NEO1: variants seen among roughly 807,000 people sequenced by gnomAD.
The protein encoded by NEO1 is neogenin.
In NEO1, 63 loss-of-function variants were observed where a neutral mutation model predicts 159.7. The ratio of observed to expected loss-of-function variants is 0.39; its 90% CI spans 0.32 to 0.49. NEO1 has a LOEUF of 0.49. Ranked by LOEUF, NEO1 falls within the 20% of genes least tolerant of loss-of-function variation. The pLI is 0.85. For synonymous variants in NEO1, 633 were observed against 662.0 expected (o/e 0.96, Z 0.67); for missense variants, 1,615 against 1,831.0 (o/e 0.88, Z 2.15).
intron 5 of NEO1, among the ~76,000 whole-genome samples, chr15:73,149,188 G>A (rs1407013713): frequency 6.6e-6 from 1 of 151,926 alleles, no homozygotes; most frequent in African/African-American, 2.4e-5. Context: ...GGTGGCAGGT[G>A]ACTGTAATCC....
intron 13 of NEO1, 51 bp from the exon 14 acceptor site, chr15:73,258,715 T>C: frequency 6.8e-7 from 1 of 1,469,488 alleles, no homozygotes; most frequent in Non-Finnish European, 9.5e-7. Flanking sequence ...ATTAATCTTT[T>C]GTTTTTCCAA....
chr15:73,115,674 G>T (rs1164188001), intron 1 of NEO1, among the ~76,000 whole-genome samples: 1 of 152,128 alleles, frequency 6.6e-6, no homozygotes, highest in Non-Finnish European at 1.5e-5. Flanking sequence ...CAAGGGAATT[G>T]GTCAGAAGTT....
intron 5 of NEO1, among the ~76,000 whole-genome samples, chr15:73,169,643 CTT>C (rs35991255): frequency 2.9e-5 from 3 of 105,240 alleles, no homozygotes; most frequent in Admixed American, 2.3e-4. Flanking sequence ...CTCCCCCCTC[CTT>C]TTTTTTTTTT....
intron 4 of NEO1, among the ~76,000 whole-genome samples, chr15:73,133,191 A>G (rs547866619): frequency 4.6e-5 from 7 of 152,024 alleles, no homozygotes; most frequent in South Asian, 2.1e-4. Flanking sequence ...ATATATACGT[A>G]TATATATATA....
chr15:73,082,335 T>G (rs1436327927), intron 1 of NEO1, among the ~76,000 whole-genome samples: 1 of 152,232 alleles, frequency 6.6e-6, no homozygotes, highest in Non-Finnish European at 1.5e-5. Context: ...AAATTTTGAC[T>G]GATGTGTTTC....
In NEO1 at chr15:73,301,380, C is replaced by T. The variant is rs936240707; in HGVS notation, c.4225C>T (p.Arg1409Trp). ...TASIGTLGRS[R>W]PPMPVVVPSA... ...CTCCATCGGGACTCTAGGAAGGAGC[C>T]GGCCTCCTATGCCAGTGGTTGTTCC... Residue 1409 changes from arginine (R) to tryptophan (W), a missense_variant, in exon 28 of 29, where the codon CGG (arginine) becomes TGG (tryptophan). Physicochemically the swap from Arg to Trp is moderately radical, Grantham distance 101 (BLOSUM62 -3). This residue lies in a region of NEO1 where 471 missense variants were observed against 498.9 expected (regional missense o/e 0.94). Transcript: ENST00000261908. The T allele has an allele frequency of 6.2e-6, 10 of 1,614,044 alleles. No individual in the cohort carries two copies. The highest frequency in any genetic ancestry group is 1.6e-4 in the Middle Eastern group (1 of 6,084).
intron 5 of NEO1, among the ~76,000 whole-genome samples, chr15:73,137,680 A>G (rs2031911547): frequency 6.6e-6 from 1 of 152,180 alleles, no homozygotes. Context: ...TATTTTTGGT[A>G]GAGATGGGGT....
At chr15:73,108,277 T>C (rs909643932) in intron 1 of NEO1, among the ~76,000 whole-genome samples, 5 of 152,218 alleles carry the variant, frequency 3.3e-5, no homozygotes, top group African/African-American at 1.2e-4. Context: ...GTTTGCAGGT[T>C]ATCACATTGC....
Position 73,110,589 on chromosome 15 carries a change from T to TAAC in NEO1, c.131-5949_131-5948insCAA, listed in dbSNP as rs146767287. 3.0e-4 allele frequency among the ~76,000 whole-genome samples: 45 copies of TAAC among 152,264 alleles called. No individual in the cohort carries two copies. The East Asian group carries it at 8.1e-3, about 27-fold the overall frequency. On this transcript the variant is annotated intron_variant, in intron 1 of 28. Transcript: ENST00000261908. ...GTTCCCTGTGGATATTTTCTTTCTG[T>TAAC]AAGATGGAATTCTATCAAGAAGTGT... is the stretch of plus-strand genomic sequence containing the variant.
Position 73,181,567 on chromosome 15 carries a change from G to A in NEO1, c.1291+3140G>A, listed in dbSNP as rs76875834. Among the ~76,000 whole-genome samples the A allele has an allele frequency of 7.2e-3, 1,095 of 152,220 alleles. 10 individuals carry two copies. The highest frequency in any genetic ancestry group is 0.025 in the African/African-American group (1,032 of 41,526). ...AGGCCTCAGGAAGCTTCCAATCATG[G>A]TGGAAGGCAAGAGGGGAGCAGGCAT... On this transcript the variant is annotated intron_variant, in intron 7 of 28. Transcript: ENST00000261908.
intron 1 of NEO1, among the ~76,000 whole-genome samples, chr15:73,058,951 A>G (rs2067849913): frequency 6.6e-6 from 1 of 152,092 alleles, no homozygotes. Context: ...AGCTCAGGTT[A>G]TTGTATATCT....
intron 23 of NEO1, 66 bp from the exon 24 acceptor site, chr15:73,288,247 C>T (rs751819486): frequency 1.3e-6 from 2 of 1,486,294 alleles, no homozygotes; most frequent in Non-Finnish European, 1.9e-6. Flanking sequence ...TTTAATCACT[C>T]AAGCCTTTTG....
intron 15 of NEO1, among the ~76,000 whole-genome samples, chr15:73,261,813 CAAAG>C (rs1015309579): frequency 2.0e-4 from 30 of 152,000 alleles, no homozygotes; most frequent in African/African-American, 7.0e-4. Context: ...TATGAAAAAT[CAAAG>C]GAACTAGAAT....
intron 11 of NEO1, among the ~76,000 whole-genome samples, chr15:73,250,113 A>G (rs923799254): frequency 5.3e-5 from 8 of 152,100 alleles, no homozygotes; most frequent in South Asian, 2.1e-4. Context: ...TAGTCTTTCT[A>G]GTTCCTCCGT....
intron 2 of NEO1, among the ~76,000 whole-genome samples, chr15:73,122,104 A>G (rs1208992064): frequency 2.7e-5 from 2 of 74,968 alleles, no homozygotes; most frequent in Middle Eastern, 5.3e-3. Flanking sequence ...TACACATTAT[A>G]TATATTATAT....
At chr15:73,246,867 T>A (rs1168111236) in intron 9 of NEO1, among the ~76,000 whole-genome samples, 1 of 152,102 alleles carries the variant, frequency 6.6e-6, no homozygotes, top group Non-Finnish European at 1.5e-5. Context: ...AATTTAGAGA[T>A]GAAAGAAAAG....
chr15:73,105,317 C>T (rs115832187), intron 1 of NEO1, among the ~76,000 whole-genome samples: 2,195 of 152,256 alleles, frequency 0.014, 68 homozygotes, highest in African/African-American at 0.05. Context: ...CATTGGATTT[C>T]TTGAGTCTAT....
rs776073407 is a variant in NEO1, at chr15:73,298,601, G to A, written c.4155G>A (p.Leu1385=). The A allele has an allele frequency of 3.0e-5, 49 of 1,614,064 alleles. No individual in the cohort carries two copies. The highest frequency in any genetic ancestry group is 1.6e-4 in the Middle Eastern group (1 of 6,082). The change falls in exon 27 of 29, where the codon CTG becomes CTA. Residue 1385 remains leucine (L), a synonymous_variant. Transcript: ENST00000261908. ...YDPALPSTPL[L]SQQALNHHIH... ...CTGCATTGCCAAGCACACCATTACT[G>A]TCCCAGCAAGGTGAGTGAGGATGGC... is the stretch of plus-strand genomic sequence containing the variant.
At chr15:73,226,289 G>A (rs1231647452) in intron 7 of NEO1, among the ~76,000 whole-genome samples, 1 of 152,164 alleles carries the variant, frequency 6.6e-6, no homozygotes, top group African/African-American at 2.4e-5. Flanking sequence ...TGCTCTGTCC[G>A]TCCAAGTCGG....
Sources: allele counts gnomAD v4.1 joint callset (sites outside exome capture counted in the v4.1 genomes callset), GRCh38; gene constraint gnomAD v4.1.1; regional missense constraint gnomAD v4.1.1; transcripts MANE v1.5; gene names NCBI Gene and HGNC (gene_info 2026-07-23, HGNC 2026-07-21).